NR1I3: variants seen among roughly 807,000 people sequenced by gnomAD.
NR1I3 encodes constitutive activator of retinoid response.
NR1I3 carries 30 observed loss-of-function variants against 38.4 expected under a neutral mutation model. That is an observed-to-expected ratio of 0.78 (90% CI 0.58 to 1.06). The LOEUF is 1.06. Among genes scored for constraint, NR1I3 ranks in the 50% least tolerant of loss-of-function variants. NR1I3 has a pLI of 0.00. For missense variants in NR1I3, 388 were observed against 435.7 expected (o/e 0.89, Z 0.97); for synonymous variants, 143 against 165.1 (o/e 0.87, Z 1.03).
intron 6 of NR1I3, 45 bp downstream of exon 6, chr1:161,231,284 G>A (rs1667207412): frequency 1.9e-6 from 3 of 1,612,180 alleles, no homozygotes; most frequent in East Asian, 4.5e-5. Flanking sequence ...ACCACATCCT[G>A]TACCATGAGG....
rs771091045 is a variant in NR1I3, at chr1:161,229,747, AG to A, written c.*49del. On this transcript the variant is annotated 3_prime_UTR_variant, in exon 9 of 9. Coordinates refer to ENST00000367983, the MANE Select transcript of NR1I3 (RefSeq NM_005122.5). ...TTTGGTCCCAGCATTTTCCCACTCC[AG>A]TGTATCCAGGGTGTTCCAGGTGAGC... 4 of 1,614,134 alleles carry A rather than the reference AG, an allele frequency of 2.5e-6. No homozygotes were observed. The highest frequency in any genetic ancestry group is 1.1e-5 in the South Asian group (1 of 91,088).
chr1:161,232,742 T>A (rs1353772372), intron 5 of NR1I3, 65 bp downstream of exon 5: 1 of 1,525,654 alleles, frequency 6.6e-7, no homozygotes, highest in Non-Finnish European at 9.1e-7. Flanking sequence ...GTCAGTGACT[T>A]TTCGGGGTGG....
At chr1:161,230,587 TAA>T (rs66513069) in intron 8 of NR1I3, 2 of 554,468 alleles carry the variant, frequency 3.6e-6, no homozygotes, top group Non-Finnish European at 6.3e-6. Flanking sequence ...CTGTACTGAA[TAA>T]AAAAAAAATC....
In NR1I3 at chr1:161,232,902, C is replaced by T. The variant is rs1473058537; in HGVS notation, c.453G>A (p.Leu151=). 6.2e-6 allele frequency: 10 copies of T among 1,614,054 alleles called. No individual in the cohort carries two copies. The Admixed American group carries it at 1.5e-4, about 24-fold the overall frequency. Residue 151 remains leucine (L), a synonymous_variant, in exon 5 of 9, where the codon CTG becomes CTA. Coordinates refer to ENST00000367983, the MANE Select transcript of NR1I3 (RefSeq NM_005122.5). ...LFIHHQPLPT[L]APVLPLVTHF... ...GTGTGACCAGAGGCAGCACAGGGGC[C>T]AGGGTGGGCAAGGGCTGGTGATGGA...
chr1:161,232,900 G>A lies in NR1I3; in HGVS notation c.455C>T (p.Ala152Val), dbSNP rs202054823. 7 of 1,614,220 alleles carry A rather than the reference G, an allele frequency of 4.3e-6. No individual in the cohort carries two copies. Among genetic ancestry groups the A allele is most frequent in the Middle Eastern group, 1.6e-4 (1 of 6,062 alleles). The change falls in exon 5 of 9, where the codon GCC becomes GTC. Residue 152 changes from alanine to valine, a missense_variant. Transcript: ENST00000367983. Reference protein sequence around the residue: ...FIHHQPLPTLAPVLPLVTHFA... With the variant: ...FIHHQPLPTLVPVLPLVTHFA... Reference sequence around the variant, plus strand: ...GTGTGTGACCAGAGGCAGCACAGGGGCCAGGGTGGGCAAGGGCTGGTGATG... The same window carrying A: ...GTGTGTGACCAGAGGCAGCACAGGGACCAGGGTGGGCAAGGGCTGGTGATG...
chr1:161,231,558 T>C, intron 5 of NR1I3, 84 bp from the exon 6 acceptor site: 1 of 1,399,268 alleles, frequency 7.1e-7, no homozygotes, highest in East Asian at 2.3e-5. Flanking sequence ...TGGAGTGCAG[T>C]GGCGTGATCT....
At chr1:161,231,952 G>A (rs932585081) in intron 5 of NR1I3, among the ~76,000 whole-genome samples, 1 of 152,078 alleles carries the variant, frequency 6.6e-6, no homozygotes, top group Non-Finnish European at 1.5e-5. Context: ...GTGAGCCACT[G>A]TGCCCAGCCG....
intron 2 of NR1I3, 110 bp from the exon 3 acceptor site, chr1:161,236,087 C>G: frequency 7.5e-7 from 1 of 1,328,062 alleles, no homozygotes; most frequent in Admixed American, 2.5e-5. Context: ...CTAATCTGAG[C>G]TGTGCCCAAA....
chr1:161,232,430 T>C (rs1667555813), intron 5 of NR1I3, among the ~76,000 whole-genome samples: 1 of 152,198 alleles, frequency 6.6e-6, no homozygotes, highest in African/African-American at 2.4e-5. Flanking sequence ...CCTGAGTACC[T>C]GGGACTACAG....
chr1:161,230,789 C>T, intron 8 of NR1I3, 24 bp downstream of exon 8: 8 of 1,613,890 alleles, frequency 5.0e-6, no homozygotes, highest in Non-Finnish European at 6.8e-6. Flanking sequence ...GTGTGGCCTC[C>T]AAGCCCTCAG....
intron 2 of NR1I3, 57 bp downstream of exon 2, chr1:161,236,402 C>G: frequency 6.3e-7 from 1 of 1,583,002 alleles, no homozygotes; most frequent in Non-Finnish European, 8.6e-7. Context: ...GGTGTAAAGG[C>G]TGACTAATAG....
intron 2 of NR1I3, 125 bp downstream of exon 2, chr1:161,236,334 G>A: frequency 8.6e-7 from 1 of 1,161,176 alleles, no homozygotes; most frequent in East Asian, 2.4e-5. Flanking sequence ...CAGCCACAGG[G>A]TAGTTAGACT....
At chr1:161,236,683 A>G (rs1668658109) in intron 1 of NR1I3, 85 bp from the exon 2 acceptor site, 1 of 1,357,654 alleles carries the variant, frequency 7.4e-7, no homozygotes, top group Non-Finnish European at 9.9e-7. Context: ...TCCAAACCAA[A>G]CCAAACATGC....
At position 161,235,951 on chromosome 1, in the gene NR1I3, G is replaced by T. The variant is rs780293934; in HGVS notation, c.134C>A (p.Pro45His). The T allele has an allele frequency of 1.2e-6, 2 of 1,605,664 alleles. No homozygotes were observed. Among genetic ancestry groups the T allele is most frequent in the South Asian group, 2.2e-5 (2 of 89,842 alleles). ...ACAGCTTCCAGCAAAGGGGCAGGTG[G>T]GACCAATGCTTTTGCTGACTGTTCT... ...FRRTVSKSIG[P>H]TCPFAGSCEV... The change falls in exon 3 of 9, where the codon CCC becomes CAC. Residue 45 changes from proline to histidine, a missense_variant. Pro to His is a moderately conservative substitution (Grantham distance 77). Transcript: ENST00000367983.
Position 161,230,814 on chromosome 1 carries a change from G to A in NR1I3, c.916C>T (p.Arg306Trp), listed in dbSNP as rs143583938. 2.7e-5 allele frequency: 43 copies of A among 1,613,944 alleles called. 1 individual carries two copies. Among genetic ancestry groups the A allele is most frequent in the African/African-American group, 1.2e-4 (9 of 74,922 alleles). The change falls in exon 8 of 9, where the codon CGG becomes TGG. Residue 306 changes from arginine (R) to tryptophan (W), a missense_variant and splice_region_variant. Transcript: ENST00000367983. ...IKGQQRRPRD[R>W]FLYAKLLGLL... The stretch of plus-strand genomic sequence containing the variant: ...CAAGCCCTCAGTGTCCCACCGTACC[G>A]ATCCCGGGGCCTTCGCTGCTGGCCC...
intron 3 of NR1I3, among the ~76,000 whole-genome samples, chr1:161,233,937 ATGTATATATG>A (rs57506256): frequency 1.9e-4 from 27 of 143,632 alleles, no homozygotes; most frequent in South Asian, 1.3e-3. Flanking sequence ...ATGTGTATAC[ATGTATATATG>A]TGTATATATG....
rs538182354 is a variant in NR1I3 at position 161,237,725 on chromosome 1, A to C, written c.-34+316T>G. Among the ~76,000 whole-genome samples, 4 of 151,834 alleles carry C rather than the reference A, an allele frequency of 2.6e-5. No homozygotes were observed. In the South Asian group the frequency reaches 6.3e-4, roughly 24 times the overall value. On this transcript the variant is annotated intron_variant, in intron 1 of 8. Coordinates refer to ENST00000367983, the MANE Select transcript of NR1I3 (RefSeq NM_005122.5). ...AGAGCGAGACTCCATCTCAAAAAAA[A>C]CCCAAAAAAACAAAACAAAAAACAA... is the stretch of plus-strand genomic sequence containing the variant.
chr1:161,237,429 C>G (rs551657302), intron 1 of NR1I3, among the ~76,000 whole-genome samples: 1 of 151,676 alleles, frequency 6.6e-6, no homozygotes, highest in East Asian at 2.0e-4. Flanking sequence ...GTTTCAAATT[C>G]CTGACTTAGG....
chr1:161,234,076 C>G (rs1470505552), intron 3 of NR1I3, among the ~76,000 whole-genome samples: 1 of 151,902 alleles, frequency 6.6e-6, no homozygotes, highest in African/African-American at 2.4e-5. Flanking sequence ...ACTGCAACCT[C>G]TGCCCCCTGG....
Sources: gnomAD v4.1 joint callset for allele counts (sites outside exome capture counted in the v4.1 genomes callset) on GRCh38, gnomAD v4.1.1 for gene constraint, MANE v1.5 for transcripts, NCBI Gene and HGNC (gene_info 2026-07-23, HGNC 2026-07-21) for gene names.